Variants in SPRED1 observed in about 807,000 individuals in gnomAD.
SPRED1 encodes the protein sprouty-related, EVH1 domain-containing protein 1.
In SPRED1, 18 loss-of-function variants were observed where a neutral mutation model predicts 52.3. The ratio of observed to expected loss-of-function variants is 0.34; its 90% CI spans 0.24 to 0.51. The LOEUF is 0.51. Among genes scored for constraint, SPRED1 ranks in the 20% least tolerant of loss-of-function variants. The pLI, the probability that SPRED1 is intolerant of heterozygous loss-of-function variation, is 0.97. For synonymous variants in SPRED1, 155 were observed against 179.7 expected (o/e 0.86, Z 1.10); for missense variants, 485 against 551.0 (o/e 0.88, Z 1.20).
intron 4 of SPRED1, among the ~76,000 whole-genome samples, chr15:38,334,644 A>G (rs1895873686): frequency 6.6e-6 from 1 of 151,988 alleles, no homozygotes; most frequent in Non-Finnish European, 1.5e-5. Flanking sequence ...TCATTTAACA[A>G]TACCTTGGGA....
In SPRED1 at chr15:38,292,675, A is replaced by G. The variant is rs1003017180; in HGVS notation, c.33-6698A>G. Among the ~76,000 whole-genome samples the G allele has an allele frequency of 5.3e-5, 8 of 152,212 alleles. No individual in the cohort carries two copies. In the South Asian group the frequency reaches 8.3e-4, roughly 16 times the overall value. ...CAGGAAAGACCGGCCCCCATGATTC[A>G]ATTAAGACCCCTTGGGTCCCTCCCA... On this transcript the variant is annotated intron_variant, in intron 1 of 6. Transcript: ENST00000299084.
Position 38,253,086 on chromosome 15 carries a change from G to A in SPRED1, c.-100G>A. On this transcript the variant is annotated 5_prime_UTR_variant, in exon 1 of 7. Transcript: ENST00000299084. Reference sequence around the variant, plus strand: ...GAGGCCCCTGTGCCGCTGCCCCCGCGCCCCCCCGGCCGCCGCTGCCTCCTG... The same window carrying A: ...GAGGCCCCTGTGCCGCTGCCCCCGCACCCCCCCGGCCGCCGCTGCCTCCTG... 1 of 999,210 alleles carries A rather than the reference G, an allele frequency of 1.0e-6. No homozygotes were observed. The highest frequency in any genetic ancestry group is 1.5e-6 in the Non-Finnish European group (1 of 652,158). The allele number at this position is 999,210 out of a possible 1,614,324, so 61.9% of individuals were successfully genotyped here.
At chr15:38,306,296 A>T (rs1192222439) in intron 2 of SPRED1, among the ~76,000 whole-genome samples, 1 of 152,188 alleles carries the variant, frequency 6.6e-6, no homozygotes, top group African/African-American at 2.4e-5. Context: ...ATATGGCACT[A>T]TATAGATAGC....
At chr15:38,299,259 A>T (rs572710790) in intron 1 of SPRED1, 114 bp from the exon 2 acceptor site, 8 of 1,169,326 alleles carry the variant, frequency 6.8e-6, no homozygotes, top group Non-Finnish European at 1.0e-5. Flanking sequence ...AGTAGTAAAC[A>T]CCTTAGTCAC....
At chr15:38,342,812 T>C (rs2141010322) in intron 5 of SPRED1, among the ~76,000 whole-genome samples, 1 of 152,286 alleles carries the variant, frequency 6.6e-6, no homozygotes, top group South Asian at 2.1e-4. Flanking sequence ...ACTTGATGTC[T>C]TTGAACAGAT....
rs529563275 is a variant in SPRED1, at chr15:38,265,621, GT to G, written c.32+12414del. Among the ~76,000 whole-genome samples the G allele has an allele frequency of 4.4e-4, 66 of 149,058 alleles. 1 individual carries two copies. The highest frequency in any genetic ancestry group is 1.4e-3 in the African/African-American group (56 of 40,668). ...TAAGACAAACAACTAGCTCTAAGTA[GT>G]TTTTTTTTTAATTTTTAATACAACT... On this transcript the variant is annotated intron_variant, in intron 1 of 6. Coordinates refer to ENST00000299084, the MANE Select transcript of SPRED1 (RefSeq NM_152594.3).
chr15:38,324,188 G>T (rs1355087408), intron 3 of SPRED1, among the ~76,000 whole-genome samples: 2 of 152,086 alleles, frequency 1.3e-5, no homozygotes, highest in Non-Finnish European at 2.9e-5. Flanking sequence ...AGAGTACTTT[G>T]CTAGGACAAA....
intron 4 of SPRED1, among the ~76,000 whole-genome samples, chr15:38,336,429 T>C (rs1266012301): frequency 1.9e-5 from 1 of 53,522 alleles, no homozygotes; most frequent in Non-Finnish European, 5.2e-5. Context: ...TGTGTATATA[T>C]ATATATAATA....
intron 1 of SPRED1, among the ~76,000 whole-genome samples, chr15:38,291,857 A>ATG (rs1422083261): frequency 6.6e-6 from 1 of 152,122 alleles, no homozygotes; most frequent in African/African-American, 2.4e-5. Flanking sequence ...AAGGTCTTTG[A>ATG]CGTGGCCTGG....
intron 1 of SPRED1, among the ~76,000 whole-genome samples, chr15:38,266,567 G>A (rs1166749876): frequency 1.3e-5 from 2 of 152,132 alleles, no homozygotes; most frequent in African/African-American, 4.8e-5. Flanking sequence ...GCCTGAACCC[G>A]GGAAGCTGAG....
chr15:38,266,504 T>C (rs28636052), intron 1 of SPRED1, among the ~76,000 whole-genome samples: 32,228 of 151,858 alleles, frequency 0.21, 3,953 homozygotes, highest in South Asian at 0.27. Flanking sequence ...TATCCAGGCA[T>C]GGTGGTGCAT....
intron 2 of SPRED1, among the ~76,000 whole-genome samples, chr15:38,311,670 G>C (rs989072994): frequency 6.6e-6 from 1 of 151,808 alleles, no homozygotes; most frequent in South Asian, 2.1e-4. Flanking sequence ...TTAAATAATC[G>C]GTCAATTTCT....
In SPRED1 at chr15:38,341,031, G is replaced by A. The variant is rs1460504898; in HGVS notation, c.582+1136G>A. Among the ~76,000 whole-genome samples, 18 of 123,772 alleles carry A rather than the reference G, an allele frequency of 1.5e-4. No homozygotes were observed. The East Asian group carries it at 4.5e-3, about 31-fold the overall frequency. 81.2% of individuals were successfully genotyped at this position (123,772 alleles called of 152,430 possible). A position where few individuals can be genotyped will look rare whatever the true frequency, so the allele number is the denominator to read the frequency against. ...TTTTTTTTAGATGGTTTTGAATTACGGAATTAGTTTCTTTAACAGACACAG... is the reference window on the plus strand; with the variant it reads ...TTTTTTTTAGATGGTTTTGAATTACAGAATTAGTTTCTTTAACAGACACAG... On this transcript the variant is annotated intron_variant, in intron 5 of 6. Coordinates refer to ENST00000299084, the MANE Select transcript of SPRED1 (RefSeq NM_152594.3).
intron 1 of SPRED1, among the ~76,000 whole-genome samples, chr15:38,298,171 TACTCAA>T (rs1895076303): frequency 6.6e-6 from 1 of 152,172 alleles, no homozygotes; most frequent in Non-Finnish European, 1.5e-5. Flanking sequence ...TACCACTATA[TACTCAA>T]TACAATGAGT....
At chr15:38,273,775 CCGG>C (rs1659209118) in intron 1 of SPRED1, among the ~76,000 whole-genome samples, 1 of 151,846 alleles carries the variant, frequency 6.6e-6, no homozygotes, top group South Asian at 2.1e-4. Flanking sequence ...CCCAAACTGC[CCGG>C]ATTTCTGATT....
intron 1 of SPRED1, among the ~76,000 whole-genome samples, chr15:38,294,737 T>C (rs917226004): frequency 2.6e-5 from 4 of 152,208 alleles, no homozygotes; most frequent in Non-Finnish European, 4.4e-5. Context: ...TTTAGGAAAC[T>C]GATCTGAGCA....
At position 38,252,957 on chromosome 15, in the gene SPRED1, G is replaced by T. The variant is rs1894010002; in HGVS notation, c.-229G>T. 5.0e-6 allele frequency: 3 copies of T among 597,474 alleles called. No individual in the cohort carries two copies. The highest frequency in any genetic ancestry group is 8.9e-6 in the Non-Finnish European group (3 of 336,702). 37.0% of individuals were successfully genotyped at this position (597,474 alleles called of 1,614,324 possible). On this transcript the variant is annotated 5_prime_UTR_variant, in exon 1 of 7. In the 5' UTR this introduces an upstream ATG that the reference lacks. Transcript: ENST00000299084. The stretch of plus-strand genomic sequence containing the variant: ...GGCTGGGCACTGAGGCGGGGGAAGA[G>T]GCTGGGGTCGCCACGGCGGAGGTTG...
rs530928615 is a variant in SPRED1, at chr15:38,315,246, C to A, written c.208-6995C>A. 2.6e-5 allele frequency among the ~76,000 whole-genome samples: 4 copies of A among 151,880 alleles called. No homozygotes were observed. In the South Asian group the frequency reaches 8.3e-4, roughly 31 times the overall value. On this transcript the variant is annotated intron_variant, in intron 2 of 6. Coordinates refer to ENST00000299084, the MANE Select transcript of SPRED1 (RefSeq NM_152594.3). ...GATTCAAAGGTATTTCAGAAAGTTA[C>A]TAGTAAAAATTTTTATGTCTGGTTA...
intron 2 of SPRED1, among the ~76,000 whole-genome samples, chr15:38,303,834 A>C (rs1895197390): frequency 6.6e-6 from 1 of 152,180 alleles, no homozygotes; most frequent in African/African-American, 2.4e-5. Flanking sequence ...GGGGACAAGA[A>C]AAAGCAAGGT....
Sources: allele counts gnomAD v4.1 joint callset (sites outside exome capture counted in the v4.1 genomes callset), GRCh38; gene constraint gnomAD v4.1.1; transcripts MANE v1.5; gene names NCBI Gene and HGNC (gene_info 2026-07-23, HGNC 2026-07-21).